The following POLR3F variants were observed in gnomAD, a reference collection of about 807,000 sequenced individuals.
The protein encoded by POLR3F is DNA-directed RNA polymerase III subunit RPC6.
A neutral mutation model predicts 43.6 loss-of-function variants in POLR3F; 31 were observed. The ratio of observed to expected loss-of-function variants is 0.71; its 90% CI spans 0.53 to 0.96. The LOEUF is 0.96. Among genes scored for constraint, POLR3F ranks in the 40% least tolerant of loss-of-function variants. The probability of loss-of-function intolerance (pLI) is 0.00; values close to 1 mark genes in which losing one functional copy is unlikely to be tolerated. For synonymous variants in POLR3F, 114 were observed against 132.5 expected (o/e 0.86, Z 0.96); for missense variants, 316 against 391.7 (o/e 0.81, Z 1.63).
At chr20:18,478,491 G>C (rs1432875619) in intron 5 of POLR3F, among the ~76,000 whole-genome samples, 1 of 152,068 alleles carries the variant, frequency 6.6e-6, no homozygotes, top group Non-Finnish European at 1.5e-5. Context: ...TGGGATTACA[G>C]GCATAAGCCA....
At chr20:18,473,482 G>GA (rs752648357) in intron 4 of POLR3F, 24 bp downstream of exon 4, 71 of 1,194,730 alleles carry the variant, frequency 5.9e-5, no homozygotes, top group Non-Finnish European at 8.1e-5. Flanking sequence ...AGATGAAGCA[G>GA]AAAAAAACAT....
intron 4 of POLR3F, among the ~76,000 whole-genome samples, chr20:18,474,679 C>T (rs752246251): frequency 6.6e-6 from 1 of 151,832 alleles, no homozygotes; most frequent in African/African-American, 2.4e-5. Context: ...CCATCAGGCC[C>T]GGCTAATTAT....
At chr20:18,476,330 G>C (rs890861243) in intron 5 of POLR3F, among the ~76,000 whole-genome samples, 6 of 152,208 alleles carry the variant, frequency 3.9e-5, no homozygotes, top group Non-Finnish European at 7.3e-5. Context: ...ATTCTGGACA[G>C]TTCCTATAAA....
At chr20:18,467,659 C>G in intron 1 of POLR3F, 91 bp downstream of exon 1, 1 of 1,592,280 alleles carries the variant, frequency 6.3e-7, no homozygotes, top group South Asian at 1.1e-5. Context: ...TGGGAGTGGC[C>G]GGAGCGGGTT....
intron 1 of POLR3F, chr20:18,467,777 C>T (rs1406094352): frequency 1.1e-5 from 11 of 986,684 alleles, no homozygotes; most frequent in Non-Finnish European, 1.6e-5. Context: ...CAGCTTGCAA[C>T]TTTGTGTAGC....
intron 2 of POLR3F, among the ~76,000 whole-genome samples, chr20:18,471,454 T>C (rs1257900607): frequency 1.3e-5 from 2 of 152,204 alleles, no homozygotes; most frequent in Non-Finnish European, 1.5e-5. Context: ...CAGATGGGTA[T>C]TGAAGTCACC....
rs1315557275 is a variant in POLR3F, at chr20:18,483,658, T to G, written c.*100T>G. On this transcript the variant is annotated 3_prime_UTR_variant, in exon 9 of 9. Coordinates refer to ENST00000377603, the MANE Select transcript of POLR3F (RefSeq NM_006466.4). ...ACACGAAATCTCCTTGAAAGCAAAC[T>G]TCACAATAATGGACGTAGACTTGCT... 2.6e-5 allele frequency: 14 copies of G among 532,778 alleles called. No individual in the cohort carries two copies. In the South Asian group the frequency reaches 4.4e-4, roughly 17 times the overall value. 33.0% of individuals were successfully genotyped at this position (532,778 alleles called of 1,614,324 possible). A position where few individuals can be genotyped will look rare whatever the true frequency, so the allele number is the denominator to read the frequency against.
Position 18,472,866 on chromosome 20 carries a change from A to T in POLR3F, c.205A>T (p.Asn69Tyr). The T allele has an allele frequency of 2.0e-6, 3 of 1,511,332 alleles. No homozygotes were observed. Among genetic ancestry groups the T allele is most frequent in the Non-Finnish European group, 2.7e-6 (3 of 1,100,218 alleles). The allele number at this position is 1,511,332 out of a possible 1,614,324, so 93.6% of individuals were successfully genotyped here. The change falls in exon 3 of 9, where the codon AAT becomes TAT. Residue 69 changes from asparagine to tyrosine, a missense_variant. This residue lies in a region of POLR3F where 122 missense variants were observed against 133.8 expected (regional missense o/e 0.91). Transcript: ENST00000377603. Reference protein sequence around the residue: ...SMGQLDLLRSNTGLLYRIKDS... With the variant: ...SMGQLDLLRSYTGLLYRIKDS... ...GGGTCAGTTGGATCTCTTAAGGAGC[A>T]ATACGGGCCTTTTATATAGAATAAA...
intron 2 of POLR3F, among the ~76,000 whole-genome samples, chr20:18,469,866 G>A (rs1374727808): frequency 6.6e-6 from 1 of 152,044 alleles, no homozygotes; most frequent in African/African-American, 2.4e-5. Context: ...TCCACCCCCC[G>A]ATTTTCCTAT....
intron 2 of POLR3F, among the ~76,000 whole-genome samples, chr20:18,469,640 G>A (rs2059737289): frequency 6.6e-6 from 1 of 152,182 alleles, no homozygotes; most frequent in African/African-American, 2.4e-5. Flanking sequence ...GAGAAAGTGT[G>A]TTAGGTTTGA....
intron 2 of POLR3F, among the ~76,000 whole-genome samples, chr20:18,471,812 A>C (rs562014018): frequency 2.0e-5 from 3 of 152,206 alleles, no homozygotes; most frequent in Admixed American, 2.0e-4. Flanking sequence ...GCCTAACCCT[A>C]TCTCTACTAA....
Position 18,480,201 on chromosome 20 carries a change from A to C in POLR3F, c.573+20A>C, listed in dbSNP as rs1176938947. The C allele has an allele frequency of 1.2e-5, 19 of 1,595,784 alleles. No individual in the cohort carries two copies. Among genetic ancestry groups the C allele is most frequent in the Non-Finnish European group, 1.6e-5 (19 of 1,165,918 alleles). ...TCCAAGGTGAGGTATGATTGAGGAA[A>C]CATCACTGCAAACCCTCTTGTAAAA... On this transcript the variant is annotated intron_variant, in intron 6 of 8. Coordinates refer to ENST00000377603, the MANE Select transcript of POLR3F (RefSeq NM_006466.4).
chr20:18,478,834 A>C (rs2059794028), intron 5 of POLR3F, among the ~76,000 whole-genome samples: 1 of 152,110 alleles, frequency 6.6e-6, no homozygotes. Flanking sequence ...CATGCAATAA[A>C]ATGAACATGT....
chr20:18,473,469 GA>G lies in POLR3F; in HGVS notation c.316+14del. The G allele has an allele frequency of 7.4e-7, 1 of 1,358,160 alleles. No homozygotes were observed. The highest frequency in any genetic ancestry group is 1.1e-6 in the Non-Finnish European group (1 of 949,298). 84.1% of individuals were successfully genotyped at this position (1,358,160 alleles called of 1,614,324 possible). A position where few individuals can be genotyped will look rare whatever the true frequency, so the allele number is the denominator to read the frequency against. ...ATGCAGGAAATAAAGGTAAGCATGT[GA>G]AAGATGAAGCAGAAAAAAACATTGT... is the stretch of plus-strand genomic sequence containing the variant. On this transcript the variant is annotated intron_variant, in intron 4 of 8. Transcript: ENST00000377603.
chr20:18,476,592 G>A (rs1270127459), intron 5 of POLR3F, among the ~76,000 whole-genome samples: 1 of 152,152 alleles, frequency 6.6e-6, no homozygotes, highest in East Asian at 1.9e-4. Flanking sequence ...AAATCTACAT[G>A]ACCTTGGCTT....
intron 2 of POLR3F, among the ~76,000 whole-genome samples, chr20:18,470,265 G>C (rs1261667433): frequency 6.6e-6 from 1 of 152,148 alleles, no homozygotes; most frequent in African/African-American, 2.4e-5. Flanking sequence ...GATTTCCAAG[G>C]GCTCTGGATG....
At chr20:18,467,704 T>G in intron 1 of POLR3F, 136 bp downstream of exon 1, 1 of 1,506,118 alleles carries the variant, frequency 6.6e-7, no homozygotes, top group Non-Finnish European at 8.9e-7. Flanking sequence ...TGCGGGGTTC[T>G]GGACCCACTT....
chr20:18,468,354 C>T (rs920936338), intron 1 of POLR3F, among the ~76,000 whole-genome samples: 8 of 152,226 alleles, frequency 5.3e-5, no homozygotes, highest in Non-Finnish European at 5.9e-5. Context: ...GGATTACAGG[C>T]GTGAGCCACC....
At chr20:18,468,277 A>G (rs1033749891) in intron 1 of POLR3F, among the ~76,000 whole-genome samples, 3 of 151,968 alleles carry the variant, frequency 2.0e-5, no homozygotes, top group African/African-American at 7.3e-5. Flanking sequence ...GGGTTTCACC[A>G]TGTTGTCTGG....
Sources: allele counts gnomAD v4.1 joint callset (sites outside exome capture counted in the v4.1 genomes callset), GRCh38; gene constraint gnomAD v4.1.1; regional missense constraint gnomAD v4.1.1; transcripts MANE v1.5; gene names NCBI Gene and HGNC (gene_info 2026-07-23, HGNC 2026-07-21).